The following C1QTNF7 variants were observed in gnomAD, a reference collection of about 807,000 sequenced individuals.
C1QTNF7 encodes the protein complement C1q tumor necrosis factor-related protein 7.
Under a neutral mutation model 19.6 loss-of-function variants are expected in C1QTNF7, and 15 were observed. The observed-to-expected ratio is 0.76, with a 90% CI of 0.51 to 1.18. C1QTNF7 has a LOEUF of 1.18. Among genes scored for constraint, C1QTNF7 ranks in the 50% most tolerant of loss-of-function variants. The pLI, the probability that C1QTNF7 is intolerant of heterozygous loss-of-function variation, is 0.00. For synonymous variants in C1QTNF7, 142 were observed against 137.5 expected, an observed-to-expected ratio of 1.03 and a Z score of -0.23; for missense variants, 324 against 359.7, an observed-to-expected ratio of 0.90 and a Z score of 0.80.
At position 15,393,454 on chromosome 4, in the gene C1QTNF7, G is replaced by A. The variant is rs551177664; in HGVS notation, c.14-42282G>A. 1.2e-4 allele frequency among the ~76,000 whole-genome samples: 18 copies of A among 152,276 alleles called. No homozygotes were observed. In the South Asian group the frequency reaches 3.7e-3, roughly 32 times the overall value. On this transcript the variant is annotated intron_variant, in intron 1 of 2. Transcript: ENST00000295297. ...CCCCCAGGAAAGCTTAATCACACTAGAAGCCAAAGGTTCTCAACCCTGCCC... is the reference window on the plus strand; with the variant it reads ...CCCCCAGGAAAGCTTAATCACACTAAAAGCCAAAGGTTCTCAACCCTGCCC...
At chr4:15,349,241 A>AT (rs1716819627) in intron 1 of C1QTNF7, among the ~76,000 whole-genome samples, 1 of 151,982 alleles carries the variant, frequency 6.6e-6, no homozygotes, top group South Asian at 2.1e-4. Flanking sequence ...TTAAATCTTC[A>AT]TTCCCCTTTG....
intron 1 of C1QTNF7, among the ~76,000 whole-genome samples, chr4:15,368,164 A>G (rs1246552268): frequency 6.6e-6 from 1 of 152,170 alleles, no homozygotes; most frequent in Non-Finnish European, 1.5e-5. Context: ...ATCTCGCAGT[A>G]TAGACTCTTT....
chr4:15,393,420 A>C (rs1368521977), intron 1 of C1QTNF7, among the ~76,000 whole-genome samples: 1 of 152,182 alleles, frequency 6.6e-6, no homozygotes. Flanking sequence ...GCTAAATCTT[A>C]GAAGGAGGCC....
At chr4:15,380,614 T>C (rs1194059903) in intron 1 of C1QTNF7, among the ~76,000 whole-genome samples, 1 of 152,240 alleles carries the variant, frequency 6.6e-6, no homozygotes, top group Non-Finnish European at 1.5e-5. Context: ...AGTCTGCGTA[T>C]TCTGCTTTCC....
chr4:15,358,238 A>T (rs1717213668), intron 1 of C1QTNF7: 1 of 152,138 alleles, frequency 6.6e-6, no homozygotes, highest in South Asian at 2.1e-4. Context: ...TTATTTTGAG[A>T]TACGTTCCAT....
chr4:15,408,922 G>T (rs1343351725), intron 1 of C1QTNF7, among the ~76,000 whole-genome samples: 3 of 152,108 alleles, frequency 2.0e-5, no homozygotes, highest in African/African-American at 7.2e-5. Context: ...CCAGCCTCCA[G>T]AACTGTGGGA....
chr4:15,375,498 T>C (rs991782532), intron 1 of C1QTNF7, among the ~76,000 whole-genome samples: 2 of 152,224 alleles, frequency 1.3e-5, no homozygotes, highest in Non-Finnish European at 2.9e-5. Flanking sequence ...TGCATTGTAC[T>C]GGGGTACATT....
chr4:15,352,399 C>A (rs140938878), intron 1 of C1QTNF7, among the ~76,000 whole-genome samples: 1 of 152,100 alleles, frequency 6.6e-6, no homozygotes, highest in Non-Finnish European at 1.5e-5. Flanking sequence ...CCAAGGCCCA[C>A]GGTCTTTTCA....
upstream of C1QTNF7, among the ~76,000 whole-genome samples, chr4:15,427,463 T>A (rs995943883): frequency 5.3e-5 from 8 of 152,170 alleles, no homozygotes; most frequent in Middle Eastern, 3.2e-3. Flanking sequence ...TTTCTAAAAA[T>A]ACCCAATCAT....
chr4:15,415,255 C>T (rs1462208106), intron 1 of C1QTNF7, among the ~76,000 whole-genome samples: 2 of 152,056 alleles, frequency 1.3e-5, no homozygotes, highest in East Asian at 3.8e-4. Context: ...TAGAGTTGTA[C>T]ATTGAGGAAC....
chr4:15,351,047 T>TA (rs1261712996), intron 1 of C1QTNF7, among the ~76,000 whole-genome samples: 1 of 152,196 alleles, frequency 6.6e-6, no homozygotes, highest in Non-Finnish European at 1.5e-5. Flanking sequence ...TTCCTTGCTA[T>TA]AAAAAATGAA....
At position 15,378,745 on chromosome 4, in the gene C1QTNF7, C is replaced by G. The variant is rs538257680; in HGVS notation, c.13+38538C>G. On this transcript the variant is annotated intron_variant, in intron 1 of 2. Coordinates refer to the C1QTNF7 transcript ENST00000295297. ...GTCAACGTCCAAAGCTGCCAGAAGT[C>G]AGTCAATCCAACACTCTATTAGCCA... 2.0e-5 allele frequency among the ~76,000 whole-genome samples: 3 copies of G among 152,258 alleles called. No individual in the cohort carries two copies. The South Asian group carries it at 6.2e-4, about 32-fold the overall frequency.
chr4:15,370,995 G>A (rs1278624284), intron 1 of C1QTNF7, among the ~76,000 whole-genome samples: 1 of 152,184 alleles, frequency 6.6e-6, no homozygotes, highest in Non-Finnish European at 1.5e-5. Context: ...TTGCACATGT[G>A]GTTCCTTCAA....
At chr4:15,401,502 T>C (rs2108907858) in intron 1 of C1QTNF7, among the ~76,000 whole-genome samples, 1 of 152,184 alleles carries the variant, frequency 6.6e-6, no homozygotes, top group East Asian at 1.9e-4. Context: ...ATGACACCAG[T>C]ACCAAAGCCA....
Position 15,442,670 on chromosome 4 carries a change from G to A in C1QTNF7, c.741G>A (p.Leu247=). Residue 247 remains leucine, a synonymous_variant, in exon 3 of 3, where the codon CTG becomes CTA. Transcript: ENST00000444304. ...TGCAGCCAGAAGATGAAGTCTGGCTGGAGATTTTCTTCACAGACCAGAATG... is the reference window on the plus strand; with the variant it reads ...TGCAGCCAGAAGATGAAGTCTGGCTAGAGATTTTCTTCACAGACCAGAATG... ...IYLQPEDEVW[L]EIFFTDQNGL... is the part of the protein sequence containing the mutation. 1.9e-6 allele frequency: 3 copies of A among 1,614,190 alleles called. No homozygotes were observed. In the South Asian group the frequency reaches 3.3e-5, roughly 18 times the overall value.
chr4:15,429,662 C>G (rs1488976568), intron 1 of C1QTNF7, among the ~76,000 whole-genome samples: 3 of 152,080 alleles, frequency 2.0e-5, no homozygotes, highest in East Asian at 3.8e-4. Context: ...TTGCTTCCAC[C>G]TTTTGCCTAT....
chr4:15,441,744 G>A (rs1408709369), intron 2 of C1QTNF7, among the ~76,000 whole-genome samples: 4 of 152,180 alleles, frequency 2.6e-5, no homozygotes, highest in Admixed American at 1.3e-4. Flanking sequence ...ATTATTGGCT[G>A]GGCGCGGTGG....
chr4:15,407,152 G>T (rs1719219649), intron 1 of C1QTNF7, among the ~76,000 whole-genome samples: 1 of 152,214 alleles, frequency 6.6e-6, no homozygotes, highest in South Asian at 2.1e-4. Flanking sequence ...TCCTGGGCAT[G>T]GAAAAAGTGT....
intron 1 of C1QTNF7, among the ~76,000 whole-genome samples, chr4:15,351,842 A>G (rs1265287643): frequency 6.6e-6 from 1 of 152,270 alleles, no homozygotes; most frequent in Admixed American, 6.5e-5. Flanking sequence ...GAAGAAATAG[A>G]AGTCAGGCTG....
Sources: allele counts gnomAD v4.1 joint callset (sites outside exome capture counted in the v4.1 genomes callset), GRCh38; gene constraint gnomAD v4.1.1; transcripts MANE v1.5; gene names NCBI Gene and HGNC (gene_info 2026-07-23, HGNC 2026-07-21).